SLC35F4: variants seen among roughly 807,000 people sequenced by gnomAD.
The protein encoded by SLC35F4 is chromosome 14 open reading frame 36.
A neutral mutation model predicts 44.2 loss-of-function variants in SLC35F4; 24 were observed. The observed-to-expected ratio is 0.54, with a 90% confidence interval of 0.39 to 0.76. The LOEUF (loss-of-function observed/expected upper bound fraction) is 0.76, where lower values mean the gene tolerates loss of function less well. Among genes scored for constraint, SLC35F4 ranks in the 30% least tolerant of loss-of-function variants. The pLI, the probability that SLC35F4 is intolerant of heterozygous loss-of-function variation, is 0.00. For synonymous variants in SLC35F4, 238 were observed against 223.6 expected (o/e 1.06, Z -0.57); for missense variants, 562 against 586.1 (o/e 0.96, Z 0.42).
At chr14:57,902,011 G>A (rs904222676) in intron 1 of SLC35F4, among the ~76,000 whole-genome samples, 1 of 152,130 alleles carries the variant, frequency 6.6e-6, no homozygotes, top group Non-Finnish European at 1.5e-5. Flanking sequence ...ATGTTCCCTG[G>A]AAGCAAATTT....
chr14:57,834,523 A>G (rs1884706393), intron 1 of SLC35F4, among the ~76,000 whole-genome samples: 1 of 152,254 alleles, frequency 6.6e-6, no homozygotes, highest in Non-Finnish European at 1.5e-5. Context: ...AATGATGACA[A>G]TTGCAAAACA....
At chr14:57,834,325 T>C (rs1380108903) in intron 1 of SLC35F4, among the ~76,000 whole-genome samples, 3 of 152,236 alleles carry the variant, frequency 2.0e-5, no homozygotes, top group Non-Finnish European at 4.4e-5. Context: ...TGTTCATTTT[T>C]TTCTTTTTTC....
At chr14:57,832,391 C>T (rs1884466705) in intron 1 of SLC35F4, among the ~76,000 whole-genome samples, 1 of 152,150 alleles carries the variant, frequency 6.6e-6, no homozygotes, top group Admixed American at 6.5e-5. Flanking sequence ...CAGATTAATA[C>T]ATAGAAGAAG....
intron 1 of SLC35F4, among the ~76,000 whole-genome samples, chr14:57,785,884 T>C (rs2077744819): frequency 6.6e-6 from 1 of 151,946 alleles, no homozygotes; most frequent in African/African-American, 2.4e-5. Context: ...TAGCTGAACT[T>C]GGTAACAATT....
chr14:57,761,158 C>A (rs1332689075), intron 1 of SLC35F4, among the ~76,000 whole-genome samples: 2 of 152,160 alleles, frequency 1.3e-5, no homozygotes, highest in East Asian at 3.8e-4. Context: ...TATTGGCCTT[C>A]ATTGCCTGAA....
At position 57,819,812 on chromosome 14, in the gene SLC35F4, CA is replaced by C. The variant is rs200256387; in HGVS notation, c.103+45910del. Among the ~76,000 whole-genome samples the C allele has an allele frequency of 0.025, 2,733 of 108,048 alleles. 239 individuals carry two copies. In the East Asian group the frequency reaches 0.36, roughly 14 times the overall value. The allele number at this position is 108,048 out of a possible 152,430, so 70.9% of individuals were successfully genotyped here. A position where few individuals can be genotyped will look rare whatever the true frequency, so the allele number is the denominator to read the frequency against. On this transcript the variant is annotated intron_variant, in intron 1 of 7. Coordinates refer to ENST00000556826, the MANE Select transcript of SLC35F4 (RefSeq NM_001306087.2). ...TGGGCAACAGAGCAAGACCCCGTCT[CA>C]AAAAAAAAAAAAAAAGATAGAAGAA...
At chr14:57,939,945 A>G (rs375446727) in intron 1 of SLC35F4, among the ~76,000 whole-genome samples, 2 of 152,246 alleles carry the variant, frequency 1.3e-5, no homozygotes, top group African/African-American at 2.4e-5. Context: ...CAGGTTAAGT[A>G]AGGACTAAGA....
At chr14:57,784,582 T>C (rs2077711539) in intron 1 of SLC35F4, among the ~76,000 whole-genome samples, 1 of 152,074 alleles carries the variant, frequency 6.6e-6, no homozygotes. Context: ...GAGGCTGTGC[T>C]GGGAGAATCT....
intron 1 of SLC35F4, among the ~76,000 whole-genome samples, chr14:57,764,105 TGAGTA>T (rs1457759691): frequency 6.6e-6 from 1 of 152,116 alleles, no homozygotes; most frequent in Non-Finnish European, 1.5e-5. Context: ...GCCATGTGAT[TGAGTA>T]ATTTTATATG....
intron 3 of SLC35F4, among the ~76,000 whole-genome samples, chr14:57,582,493 C>A (rs2069357681): frequency 6.6e-6 from 1 of 152,132 alleles, no homozygotes; most frequent in Non-Finnish European, 1.5e-5. Context: ...AGAGCCACTG[C>A]ACCTGGCTCT....
At position 57,775,254 on chromosome 14, in the gene SLC35F4, C is replaced by A. The variant is rs8011456; in HGVS notation, c.103+90469G>T. Among the ~76,000 whole-genome samples, 1,406 of 152,322 alleles carry A rather than the reference C, an allele frequency of 9.2e-3. 23 individuals carry two copies. Among genetic ancestry groups the A allele is most frequent in the African/African-American group, 0.032 (1,340 of 41,568 alleles). On this transcript the variant is annotated intron_variant, in intron 1 of 7. Coordinates refer to ENST00000556826, the MANE Select transcript of SLC35F4 (RefSeq NM_001306087.2). ...GAACACCTGCATGGAGGCCAGAACC[C>A]CAGCACCCACTAGCACCCTGCTGCA...
At chr14:57,610,875 G>A (rs1450518893) in intron 1 of SLC35F4, among the ~76,000 whole-genome samples, 1 of 152,202 alleles carries the variant, frequency 6.6e-6, no homozygotes, top group Admixed American at 6.5e-5. Context: ...TTCAGTCCTT[G>A]GAAGCTTAAA....
In SLC35F4 at chr14:57,611,272, GA is replaced by G. The variant is rs1353490672; in HGVS notation, c.104-17149del. 7.2e-5 allele frequency among the ~76,000 whole-genome samples: 11 copies of G among 152,268 alleles called. No individual in the cohort carries two copies. In the East Asian group the frequency reaches 2.1e-3, roughly 29 times the overall value. On this transcript the variant is annotated intron_variant, in intron 1 of 7. Transcript: ENST00000556826. ...AGAAGCCAGATCTGTTTTGAGGGGG[GA>G]TATCAAGGTACAAATCCCTGCTAGG...
intron 1 of SLC35F4, among the ~76,000 whole-genome samples, chr14:57,826,299 T>C (rs1327271726): frequency 6.6e-6 from 1 of 152,198 alleles, no homozygotes; most frequent in African/African-American, 2.4e-5. Context: ...CTGGAAGAGC[T>C]GGCTGGCCAT....
chr14:57,600,852 G>C (rs992104007), intron 1 of SLC35F4, among the ~76,000 whole-genome samples: 1 of 151,992 alleles, frequency 6.6e-6, no homozygotes, highest in Non-Finnish European at 1.5e-5. Flanking sequence ...ATTGTAATCA[G>C]TTTTGGTAGG....
At chr14:57,859,241 G>A (rs573447366) in intron 1 of SLC35F4, among the ~76,000 whole-genome samples, 3 of 152,258 alleles carry the variant, frequency 2.0e-5, no homozygotes, top group South Asian at 2.1e-4. Context: ...TCGCATATAT[G>A]GAAGACTATA....
chr14:57,680,407 A>C (rs1008886977), intron 1 of SLC35F4, among the ~76,000 whole-genome samples: 1 of 152,142 alleles, frequency 6.6e-6, no homozygotes, highest in African/African-American at 2.4e-5. Context: ...ACAAATCCAC[A>C]ACCAATATCA....
intron 1 of SLC35F4, among the ~76,000 whole-genome samples, chr14:57,937,064 C>CTTTTTTTTTTTTTTTTTTTTTTTT (rs11458039): frequency 6.9e-6 from 1 of 144,218 alleles, no homozygotes; most frequent in Non-Finnish European, 1.5e-5. Context: ...ATTTTACCTG[C>CTTTTTTTTTTTTTTTTTTTTTTTT]TTTTTTTTTT....
intron 1 of SLC35F4, among the ~76,000 whole-genome samples, chr14:57,656,392 CA>C (rs2073974757): frequency 6.7e-6 from 1 of 149,632 alleles, no homozygotes; most frequent in Non-Finnish European, 1.5e-5. Flanking sequence ...CACACACACA[CA>C]CACACACACA....
Sources: gnomAD v4.1 joint callset for allele counts (sites outside exome capture counted in the v4.1 genomes callset) on GRCh38, gnomAD v4.1.1 for gene constraint, MANE v1.5 for transcripts, NCBI Gene and HGNC (gene_info 2026-07-23, HGNC 2026-07-21) for gene names.